The following DHX35 variants were observed in gnomAD, a reference collection of about 807,000 sequenced individuals.
DHX35 encodes the protein DEAH-box helicase 35.
DHX35 carries 84 observed loss-of-function variants against 99.6 expected under a neutral mutation model. The ratio of observed to expected loss-of-function variants is 0.84; its 90% CI spans 0.71 to 1.01. DHX35 has a LOEUF of 1.01. DHX35 is among the 50% of genes least tolerant of loss of function. The probability of loss-of-function intolerance (pLI) is 0.00; values close to 1 mark genes in which losing one functional copy is unlikely to be tolerated. For missense variants in DHX35, 852 were observed against 888.5 expected (o/e 0.96, Z 0.52); for synonymous variants, 331 against 316.2 (o/e 1.05, Z -0.50).
At chr20:38,985,154 A>T (rs139376618) in intron 4 of DHX35, among the ~76,000 whole-genome samples, 41 of 152,240 alleles carry the variant, frequency 2.7e-4, no homozygotes, top group Non-Finnish European at 5.1e-4. Flanking sequence ...AGGCCGAGGC[A>T]AGAGGATTGC....
At chr20:39,023,907 A>G in intron 17 of DHX35, 140 bp downstream of exon 17, 4 of 680,952 alleles carry the variant, frequency 5.9e-6, no homozygotes, top group Non-Finnish European at 9.9e-6. Flanking sequence ...TATTGCCAGT[A>G]CTTCTAACTG....
chr20:38,978,483 C>T (rs973908864), intron 3 of DHX35: 1 of 508,492 alleles, frequency 2.0e-6, no homozygotes, highest in Non-Finnish European at 3.6e-6. Context: ...ACCCCTGCTC[C>T]AGAGAACAGC....
chr20:38,974,203 T>C (rs1183124633), intron 3 of DHX35, among the ~76,000 whole-genome samples: 3 of 152,214 alleles, frequency 2.0e-5, no homozygotes, highest in East Asian at 1.9e-4. Flanking sequence ...TATTGAGATA[T>C]AAGGTGACTT....
At chr20:39,027,640 C>CT (rs1443118509) in intron 18 of DHX35, among the ~76,000 whole-genome samples, 1 of 152,158 alleles carries the variant, frequency 6.6e-6, no homozygotes, top group East Asian at 1.9e-4. Flanking sequence ...TACCAACATG[C>CT]TTTATTCCAT....
intron 19 of DHX35, 149 bp downstream of exon 19, chr20:39,028,648 A>G: frequency 1.2e-6 from 1 of 827,172 alleles, no homozygotes; most frequent in Non-Finnish European, 1.9e-6. Flanking sequence ...GGTTAGCGAC[A>G]TAGCTTTAAG....
chr20:38,999,652 C>T (rs2086487869), intron 8 of DHX35, among the ~76,000 whole-genome samples: 2 of 152,224 alleles, frequency 1.3e-5, no homozygotes, highest in Admixed American at 1.3e-4. Context: ...CACTGATTGC[C>T]AGTTCCCACC....
intron 8 of DHX35, among the ~76,000 whole-genome samples, chr20:38,998,435 A>C (rs556428412): frequency 5.9e-5 from 9 of 152,170 alleles, no homozygotes; most frequent in Admixed American, 5.2e-4. Context: ...CTTATCGGCC[A>C]CTCCAGTGGG....
intron 21 of DHX35, among the ~76,000 whole-genome samples, chr20:39,035,179 C>T (rs2087128784): frequency 6.6e-6 from 1 of 152,226 alleles, no homozygotes; most frequent in African/African-American, 2.4e-5. Context: ...TCAAGTGATA[C>T]TCCTGCCTCA....
Position 38,972,409 on chromosome 20 carries a change from C to T in DHX35, c.175-150C>T, listed in dbSNP as rs1484051331. 11 of 595,278 alleles carry T rather than the reference C, an allele frequency of 1.8e-5. 1 individual carries two copies. Among genetic ancestry groups the T allele is most frequent in the South Asian group, 1.4e-4 (7 of 50,196 alleles). 36.9% of individuals were successfully genotyped at this position (595,278 alleles called of 1,614,324 possible). ...TTGTATTCGCTCATACTGAGAGGAA[C>T]AGTACCTGAGGGTTAGAAATACATT... On this transcript the variant is annotated intron_variant, in intron 2 of 21. Transcript: ENST00000252011.
chr20:38,977,976 G>A, intron 3 of DHX35: 1 of 667,882 alleles, frequency 1.5e-6, no homozygotes, highest in East Asian at 2.9e-5. Flanking sequence ...CTGGAACGTT[G>A]CTACCACCTC....
At chr20:39,030,876 C>A in intron 20 of DHX35, 101 bp downstream of exon 20, 2 of 1,359,962 alleles carry the variant, frequency 1.5e-6, no homozygotes, top group Non-Finnish European at 2.1e-6. Flanking sequence ...AGAATTGCTG[C>A]TCTGGGCCGG....
intron 15 of DHX35, among the ~76,000 whole-genome samples, chr20:39,020,308 T>G (rs2086853060): frequency 6.6e-6 from 1 of 152,228 alleles, no homozygotes; most frequent in Admixed American, 6.5e-5. Context: ...TTTTAGTTTT[T>G]TGAGGTAGTG....
intron 14 of DHX35, among the ~76,000 whole-genome samples, chr20:39,016,546 T>TA (rs2086788378): frequency 6.6e-6 from 1 of 152,264 alleles, no homozygotes. Context: ...CATTAGTTGA[T>TA]AGACATTTGG....
chr20:38,995,914 T>G (rs2086422019), intron 8 of DHX35, among the ~76,000 whole-genome samples: 1 of 152,148 alleles, frequency 6.6e-6, no homozygotes, highest in African/African-American at 2.4e-5. Flanking sequence ...GAGTCTTATC[T>G]TACCTGCCAG....
In DHX35 at chr20:38,969,203, C is replaced by G. The variant is rs1464467398; in HGVS notation, c.163C>G (p.Pro55Ala). The G allele has an allele frequency of 7.5e-6, 12 of 1,607,552 alleles. No individual in the cohort carries two copies. ...CATAGAGCAGCAGAGGCAGAAGCTG[C>G]CGGTATTCAAGGTACGTCAAATAAT... ...LSIEQQRQKLPVFKLRNHILY... is the reference protein window; with the variant it reads ...LSIEQQRQKLAVFKLRNHILY... Residue 55 changes from proline (P) to alanine (A), a missense_variant, in exon 2 of 22, where the codon CCG becomes GCG. Physicochemically the swap from Pro to Ala is conservative, Grantham distance 27. Transcript: ENST00000252011.
At chr20:39,035,954 A>G (rs1425240276) in intron 21 of DHX35, among the ~76,000 whole-genome samples, 2 of 152,238 alleles carry the variant, frequency 1.3e-5, no homozygotes. Flanking sequence ...ACTGATAAAA[A>G]TGCAGTGTGT....
chr20:39,028,345 C>G lies in DHX35; in HGVS notation c.1802-73C>G. ...GCCTGGGGTGGTGCTGGGAGTGGAT[C>G]CTGTGCATTAGAGCACACGGAGCCT... On this transcript the variant is annotated intron_variant, in intron 18 of 21. Coordinates refer to ENST00000252011, the MANE Select transcript of DHX35 (RefSeq NM_021931.4). 7 of 1,458,332 alleles carry G rather than the reference C, an allele frequency of 4.8e-6. No homozygotes were observed. The South Asian group carries it at 6.8e-5, about 14-fold the overall frequency. 90.3% of individuals were successfully genotyped at this position (1,458,332 alleles called of 1,614,324 possible).
chr20:39,036,726 C>CCAAAAAAAAAAAAAAAAAAAAAAAA (rs1568767834), intron 21 of DHX35, among the ~76,000 whole-genome samples: 1 of 51,664 alleles, frequency 1.9e-5, no homozygotes, highest in African/African-American at 7.9e-5. Context: ...ACTGTCCCCC[C>CCAAAAAAAAAAAAAAAAAAAAAAAA]AAAAAAAAAA....
intron 2 of DHX35, among the ~76,000 whole-genome samples, chr20:38,972,004 G>GTTTTTTTTTTTTTT (rs752049458): frequency 4.9e-5 from 4 of 81,044 alleles, no homozygotes; most frequent in Non-Finnish European, 7.0e-5. Context: ...GTTTTGTTTT[G>GTTTTTTTTTTTTTT]TTTTTTTTTT....
Sources: allele counts gnomAD v4.1 joint callset (sites outside exome capture counted in the v4.1 genomes callset), GRCh38; gene constraint gnomAD v4.1.1; transcripts MANE v1.5; gene names NCBI Gene and HGNC (gene_info 2026-07-23, HGNC 2026-07-21).